ATP10A: variants seen among roughly 807,000 people sequenced by gnomAD.
ATP10A encodes the protein ATPase phospholipid transporting 10A (putative), also known as phospholipid-transporting ATPase VA.
A neutral mutation model predicts 147.8 loss-of-function variants in ATP10A; 111 were observed. The ratio of observed to expected loss-of-function variants is 0.75; its 90% CI spans 0.64 to 0.88. The LOEUF (loss-of-function observed/expected upper bound fraction) is 0.88, where lower values mean the gene tolerates loss of function less well. Among genes scored for constraint, ATP10A ranks in the 40% least tolerant of loss-of-function variants. The pLI is 0.00. For synonymous variants in ATP10A, 875 were observed against 841.6 expected (o/e 1.04, Z -0.69); for missense variants, 1,927 against 1,959.0 (o/e 0.98, Z 0.31).
chr15:25,720,724 A>G (rs1902162523), intron 7 of ATP10A, among the ~76,000 whole-genome samples: 1 of 152,146 alleles, frequency 6.6e-6, no homozygotes, highest in African/African-American at 2.4e-5. Context: ...AAAGTGGGTA[A>G]TTTCCTCTGC....
At chr15:25,748,400 A>G (rs1887962041) in intron 2 of ATP10A, among the ~76,000 whole-genome samples, 1 of 141,914 alleles carries the variant, frequency 7.0e-6, no homozygotes. Context: ...AAAGAGAAAA[A>G]TCATATGATC....
chr15:25,728,448 T>C (rs778308396), intron 3 of ATP10A, among the ~76,000 whole-genome samples: 70 of 151,918 alleles, frequency 4.6e-4, no homozygotes, highest in Non-Finnish European at 8.7e-4. Flanking sequence ...CGGAGTAAGG[T>C]TTTCCTTTAA....
downstream of ATP10A, among the ~76,000 whole-genome samples, chr15:25,676,748 T>C (rs185396713): frequency 6.2e-4 from 95 of 152,296 alleles, no homozygotes; most frequent in Non-Finnish European, 1.1e-3. Flanking sequence ...TCCTTTCTTT[T>C]ACATATTGTT....
chr15:25,771,219 C>CG (rs1567371481), intron 2 of ATP10A, among the ~76,000 whole-genome samples: 2 of 152,002 alleles, frequency 1.3e-5, no homozygotes, highest in Non-Finnish European at 2.9e-5. Context: ...ACATGCCCCC[C>CG]GGGATCACTC....
intron 1 of ATP10A, among the ~76,000 whole-genome samples, chr15:25,828,389 GC>G (rs779640758): frequency 6.6e-6 from 1 of 152,188 alleles, no homozygotes; most frequent in African/African-American, 2.4e-5. Flanking sequence ...CAGACCATAA[GC>G]TAAGCCATAG....
chr15:25,852,770 A>G (rs1229156527), intron 1 of ATP10A, among the ~76,000 whole-genome samples: 1 of 152,108 alleles, frequency 6.6e-6, no homozygotes, highest in East Asian at 1.9e-4. Context: ...GAATTCCCCT[A>G]AAACTCATTT....
chr15:25,769,178 C>T (rs1042314949), intron 2 of ATP10A, among the ~76,000 whole-genome samples: 2 of 152,082 alleles, frequency 1.3e-5, no homozygotes, highest in Non-Finnish European at 2.9e-5. Context: ...CTGTTATCCA[C>T]AGAGCTTTTA....
intron 2 of ATP10A, among the ~76,000 whole-genome samples, chr15:25,741,300 C>G (rs1246690768): frequency 2.6e-5 from 4 of 152,106 alleles, no homozygotes; most frequent in African/African-American, 7.2e-5. Context: ...TGGATCACCC[C>G]AGAACTCCGT....
chr15:25,791,685 C>T (rs185982825), intron 1 of ATP10A, among the ~76,000 whole-genome samples: 66 of 152,240 alleles, frequency 4.3e-4, no homozygotes, highest in Admixed American at 1.2e-3. Context: ...CCGTGCCTGG[C>T]CTCCCTCACT....
chr15:25,747,624 G>A (rs931221522), intron 2 of ATP10A, among the ~76,000 whole-genome samples: 2 of 152,016 alleles, frequency 1.3e-5, no homozygotes, highest in Admixed American at 6.6e-5. Flanking sequence ...TAATAAATTT[G>A]AAAATTTAAG....
intron 2 of ATP10A, among the ~76,000 whole-genome samples, chr15:25,751,282 A>G (rs1332793693): frequency 2.0e-5 from 3 of 152,168 alleles, no homozygotes; most frequent in Non-Finnish European, 2.9e-5. Context: ...CAAAACTGAT[A>G]GATCTGCAAA....
At chr15:25,856,305 C>T (rs1893516507) in intron 1 of ATP10A, among the ~76,000 whole-genome samples, 1 of 152,124 alleles carries the variant, frequency 6.6e-6, no homozygotes, top group African/African-American at 2.4e-5. Flanking sequence ...TGGCATTTCC[C>T]CTGCTTGCAC....
intron 9 of ATP10A, 108 bp from the exon 10 acceptor site, chr15:25,714,349 G>A (rs1413010710): frequency 1.0e-5 from 10 of 985,998 alleles, no homozygotes; most frequent in African/African-American, 3.3e-5. Context: ...CAATGACCTC[G>A]CTTCCCCACT....
chr15:25,708,318 C>T lies in ATP10A; in HGVS notation c.2345-18G>A. ...GGCGTCAACTAGGTTGGAGAATAAG[C>T]AGAAACATGGGTAAGAACTGGCGCC... On this transcript the variant is annotated intron_variant, in intron 10 of 20. Transcript: ENST00000555815. The T allele has an allele frequency of 6.2e-7, 1 of 1,606,220 alleles. No individual in the cohort carries two copies. Among genetic ancestry groups the T allele is most frequent in the Non-Finnish European group, 8.5e-7 (1 of 1,172,816 alleles).
rs199511986 is a variant in ATP10A at position 25,727,130 on chromosome 15, C to T, written c.847+30G>A. Reference sequence around the variant, plus strand: ...TGCTGGAGAACACAGCGCTGTCTGGCGGCAGGTGGTGCCAGGTGCCCGAGC... The same window carrying T: ...TGCTGGAGAACACAGCGCTGTCTGGTGGCAGGTGGTGCCAGGTGCCCGAGC... On this transcript the variant is annotated intron_variant, in intron 4 of 20. Coordinates refer to ENST00000555815, the MANE Select transcript of ATP10A (RefSeq NM_024490.4). The T allele has an allele frequency of 1.2e-4, 177 of 1,503,724 alleles. No homozygotes were observed. In the African/African-American group the frequency reaches 1.5e-3, roughly 13 times the overall value. 93.1% of individuals were successfully genotyped at this position (1,503,724 alleles called of 1,614,324 possible).
At chr15:25,801,018 T>C (rs562320221) in intron 1 of ATP10A, among the ~76,000 whole-genome samples, 1 of 152,258 alleles carries the variant, frequency 6.6e-6, no homozygotes, top group South Asian at 2.1e-4. Context: ...GGAAAATATG[T>C]TTTCCTTTTA....
At chr15:25,852,843 A>T (rs940759485) in intron 1 of ATP10A, among the ~76,000 whole-genome samples, 5 of 152,098 alleles carry the variant, frequency 3.3e-5, no homozygotes, top group Non-Finnish European at 7.4e-5. Context: ...AGGGTATATA[A>T]CCCTGCGTAC....
At chr15:25,781,347 A>G (rs1889913678) in intron 1 of ATP10A, 124 bp from the exon 2 acceptor site, 1 of 819,358 alleles carries the variant, frequency 1.2e-6, no homozygotes. Context: ...AATTTTGATA[A>G]TAAACAGGTG....
At chr15:25,853,582 G>A (rs1893380895) in intron 1 of ATP10A, among the ~76,000 whole-genome samples, 1 of 152,142 alleles carries the variant, frequency 6.6e-6, no homozygotes, top group Non-Finnish European at 1.5e-5. Context: ...GCCAGTCACT[G>A]TGATTGTTAA....
Sources: allele counts gnomAD v4.1 joint callset (sites outside exome capture counted in the v4.1 genomes callset), GRCh38; gene constraint gnomAD v4.1.1; transcripts MANE v1.5; gene names NCBI Gene and HGNC (gene_info 2026-07-23, HGNC 2026-07-21).